The following NRXN3 variants were observed in gnomAD, a reference collection of about 807,000 sequenced individuals.
The protein encoded by NRXN3 is neurexin III.
In NRXN3, 32 loss-of-function variants were observed where a neutral mutation model predicts 137.6. That is an observed-to-expected ratio of 0.23 (90% CI 0.18 to 0.31). The LOEUF is 0.31. Ranked by LOEUF, NRXN3 falls within the 10% of genes least tolerant of loss-of-function variation. The probability of loss-of-function intolerance (pLI) is 1.00; values close to 1 mark genes in which losing one functional copy is unlikely to be tolerated. For synonymous variants in NRXN3, 798 were observed against 784.5 expected, an observed-to-expected ratio of 1.02 and a Z score of -0.29; for missense variants, 1,574 against 2,062.5, an observed-to-expected ratio of 0.76 and a Z score of 4.59.
At chr14:78,453,695 G>A (rs146917427) in intron 4 of NRXN3, among the ~76,000 whole-genome samples, 3 of 152,262 alleles carry the variant, frequency 2.0e-5, no homozygotes, top group East Asian at 3.9e-4. Flanking sequence ...TCGAGTTAAC[G>A]TGAGGTCATT....
chr14:78,585,660 G>T (rs970591047), intron 4 of NRXN3, among the ~76,000 whole-genome samples: 7 of 152,082 alleles, frequency 4.6e-5, no homozygotes, highest in Non-Finnish European at 8.8e-5. Flanking sequence ...TGGGGTATGA[G>T]AGGAAGGGAG....
rs1051253277 is a variant in NRXN3, at chr14:79,622,187, G to A, written c.3445-41591G>A. Among the ~76,000 whole-genome samples, 16 of 152,182 alleles carry A rather than the reference G, an allele frequency of 1.1e-4. No homozygotes were observed. In the South Asian group the frequency reaches 1.2e-3, roughly 12 times the overall value. ...GCAGAAGAGGCCATAATTAGCACAG[G>A]GTACCATGGCACTTCTCATCTGAGA... On this transcript the variant is annotated intron_variant, in intron 16 of 20. Coordinates refer to ENST00000335750, the MANE Select transcript of NRXN3 (RefSeq NM_001330195.2).
Position 78,764,610 on chromosome 14 carries a change from CA to C in NRXN3, c.2045-39005del, listed in dbSNP as rs2098702802. ...CAATTGCTAAGCTTAAAACATGTTA[CA>C]AAAATGTTAAGAATTCTTTTCTCAC... On this transcript the variant is annotated intron_variant, in intron 8 of 20. Coordinates refer to ENST00000335750, the MANE Select transcript of NRXN3 (RefSeq NM_001330195.2). Among the ~76,000 whole-genome samples, 3 of 152,096 alleles carry C rather than the reference CA, an allele frequency of 2.0e-5. No individual in the cohort carries two copies. The South Asian group carries it at 6.2e-4, about 32-fold the overall frequency.
intron 3 of NRXN3, among the ~76,000 whole-genome samples, chr14:78,296,054 CTCTG>C (rs1254648717): frequency 4.0e-5 from 6 of 148,350 alleles, no homozygotes; most frequent in Admixed American, 1.3e-4. Flanking sequence ...TTTTCTCTCT[CTCTG>C]TCTTTTTTTT....
intron 17 of NRXN3, 68 bp from the exon 18 acceptor site, chr14:79,692,105 C>T (rs1287618885): frequency 4.1e-6 from 5 of 1,215,058 alleles, no homozygotes; most frequent in African/African-American, 1.6e-5. Flanking sequence ...ACCAAAAAAC[C>T]TAGGATGTTT....
intron 4 of NRXN3, among the ~76,000 whole-genome samples, chr14:78,451,033 A>G (rs978362543): frequency 2.4e-4 from 36 of 152,138 alleles, no homozygotes; most frequent in African/African-American, 8.4e-4. Flanking sequence ...GAGGGCAGAG[A>G]TGGGGAAGGA....
At chr14:79,750,810 A>G (rs913723427) in intron 19 of NRXN3, among the ~76,000 whole-genome samples, 1 of 152,038 alleles carries the variant, frequency 6.6e-6, no homozygotes, top group East Asian at 1.9e-4. Context: ...ACTATTTTCT[A>G]CCTGTTTCTG....
intron 4 of NRXN3, among the ~76,000 whole-genome samples, chr14:78,526,052 G>A (rs1353291578): frequency 6.6e-6 from 1 of 152,172 alleles, no homozygotes; most frequent in Non-Finnish European, 1.5e-5. Flanking sequence ...ACATGATTGT[G>A]GGTCTAGTGA....
chr14:79,710,946 G>A (rs2098801598), intron 19 of NRXN3, among the ~76,000 whole-genome samples: 1 of 152,126 alleles, frequency 6.6e-6, no homozygotes, highest in African/African-American at 2.4e-5. Context: ...CTCACTTGCA[G>A]CCCAGTTTTT....
Position 79,790,887 on chromosome 14 carries a change from G to A in NRXN3, c.4015-14225G>A, listed in dbSNP as rs867088502. On this transcript the variant is annotated intron_variant, in intron 19 of 20. Coordinates refer to ENST00000335750, the MANE Select transcript of NRXN3 (RefSeq NM_001330195.2). ...ACCCGCCTTGGCCTCCCGATCTTGT[G>A]ATCCACCCGCCTTGACCTCCCAAAG... Among the ~76,000 whole-genome samples, 14 of 152,082 alleles carry A rather than the reference G, an allele frequency of 9.2e-5. No individual in the cohort carries two copies. In the South Asian group the frequency reaches 2.1e-3, roughly 23 times the overall value.
chr14:78,888,871 A>ACACACACACACACC (rs1491176672), intron 10 of NRXN3, among the ~76,000 whole-genome samples: 40 of 146,324 alleles, frequency 2.7e-4, no homozygotes, highest in African/African-American at 1.0e-3. Context: ...ACACACACAC[A>ACACACACACACACC]CCCCAGATTT....
chr14:79,380,368 T>C (rs995076964), intron 15 of NRXN3, among the ~76,000 whole-genome samples: 1 of 149,604 alleles, frequency 6.7e-6, no homozygotes, highest in African/African-American at 2.5e-5. Context: ...CCACAACAGT[T>C]CCCAGAGTGT....
At chr14:79,519,387 T>A (rs1475729026) in intron 16 of NRXN3, among the ~76,000 whole-genome samples, 2 of 152,134 alleles carry the variant, frequency 1.3e-5, no homozygotes, top group South Asian at 2.1e-4. Context: ...TTTACCACTT[T>A]TGCATTTCCT....
chr14:78,272,539 C>T (rs1184197078), intron 2 of NRXN3, among the ~76,000 whole-genome samples: 2 of 152,186 alleles, frequency 1.3e-5, no homozygotes, highest in Non-Finnish European at 2.9e-5. Flanking sequence ...CCCTCTAAAA[C>T]ATATAGCCCA....
At chr14:78,340,339 T>C (rs1010987310) in intron 4 of NRXN3, among the ~76,000 whole-genome samples, 1 of 152,190 alleles carries the variant, frequency 6.6e-6, no homozygotes, top group Non-Finnish European at 1.5e-5. Flanking sequence ...AAGGGACTCT[T>C]TGGAGTGAAG....
At chr14:79,747,650 T>G (rs1403186629) in intron 19 of NRXN3, among the ~76,000 whole-genome samples, 1 of 152,178 alleles carries the variant, frequency 6.6e-6, no homozygotes, top group Non-Finnish European at 1.5e-5. Flanking sequence ...CTAACCAATG[T>G]GTCTAATAAT....
intron 4 of NRXN3, among the ~76,000 whole-genome samples, chr14:78,600,022 A>G (rs1007919978): frequency 1.3e-5 from 2 of 152,176 alleles, no homozygotes; most frequent in African/African-American, 4.8e-5. Context: ...GCACCACTAT[A>G]AACTGGGTTC....
intron 4 of NRXN3, among the ~76,000 whole-genome samples, chr14:78,313,597 A>G (rs2078230143): frequency 6.6e-6 from 1 of 152,162 alleles, no homozygotes. Context: ...TTACAAAGCT[A>G]GTTACAGAGC....
At chr14:79,660,290 C>T (rs753807563) in intron 16 of NRXN3, among the ~76,000 whole-genome samples, 3 of 152,238 alleles carry the variant, frequency 2.0e-5, no homozygotes, top group South Asian at 2.1e-4. Context: ...ATAATGCCAC[C>T]GTGGTCCCAT....
Sources: allele counts gnomAD v4.1 joint callset (sites outside exome capture counted in the v4.1 genomes callset), GRCh38; gene constraint gnomAD v4.1.1; transcripts MANE v1.5; gene names NCBI Gene and HGNC (gene_info 2026-07-23, HGNC 2026-07-21).